The following EHD3 variants were observed in gnomAD, a reference collection of about 807,000 sequenced individuals.
EHD3 encodes EH domain containing 3, also known as EH domain-containing protein 3.
A neutral mutation model predicts 43.0 loss-of-function variants in EHD3; 17 were observed. The observed-to-expected ratio is 0.40, with a 90% confidence interval of 0.27 to 0.59. The LOEUF is 0.59. Among genes scored for constraint, EHD3 ranks in the 20% least tolerant of loss-of-function variants. The pLI, the probability that EHD3 is intolerant of heterozygous loss-of-function variation, is 0.49. For missense variants in EHD3, 594 were observed against 705.6 expected, an observed-to-expected ratio of 0.84 and a Z score of 1.79; for synonymous variants, 313 against 289.5, an observed-to-expected ratio of 1.08 and a Z score of -0.82.
At chr2:31,262,603 A>G (rs1371617850) in intron 5 of EHD3, among the ~76,000 whole-genome samples, 2 of 152,224 alleles carry the variant, frequency 1.3e-5, no homozygotes, top group Non-Finnish European at 2.9e-5. Flanking sequence ...CAATGTTTGC[A>G]ACTTCTTATG....
intron 2 of EHD3, among the ~76,000 whole-genome samples, chr2:31,248,052 A>G (rs375214009): frequency 5.3e-5 from 8 of 152,276 alleles, no homozygotes; most frequent in African/African-American, 1.9e-4. Flanking sequence ...ACAACAGGGA[A>G]TGATGTTGCA....
intron 3 of EHD3, among the ~76,000 whole-genome samples, chr2:31,256,868 C>A (rs1012786140): frequency 6.6e-6 from 1 of 152,224 alleles, no homozygotes; most frequent in African/African-American, 2.4e-5. Context: ...GCTCTGACCC[C>A]CAGCATTGCA....
rs577171234 is a variant in EHD3, at chr2:31,261,688, A to T, written c.1055A>T (p.Asp352Val). ...CGGGAGCACCAGATCTCACCTGGGGACTTCCCCAATCTGAAGAGGATGCAG... is the reference window on the plus strand; with the variant it reads ...CGGGAGCACCAGATCTCACCTGGGGTCTTCCCCAATCTGAAGAGGATGCAG... ...IEREHQISPGDFPNLKRMQDQ... is the reference protein window; with the variant it reads ...IEREHQISPGVFPNLKRMQDQ... Residue 352 changes from aspartate (D) to valine (V), a missense_variant, in exon 5 of 6, where the codon GAC becomes GTC. Around this residue, in one of 3 missense-constraint regions of EHD3, gnomAD observed 322 missense variants for 348.0 expected, o/e 0.93. Transcript: ENST00000322054. 3 of 1,614,158 alleles carry T rather than the reference A, an allele frequency of 1.9e-6. No homozygotes were observed. The highest frequency in any genetic ancestry group is 2.5e-6 in the Non-Finnish European group (3 of 1,180,004).
At chr2:31,265,350 G>T (rs377235632) in intron 5 of EHD3, among the ~76,000 whole-genome samples, 1 of 152,174 alleles carries the variant, frequency 6.6e-6, no homozygotes, top group Admixed American at 6.5e-5. Flanking sequence ...CAGTAGGTTT[G>T]TTTACACCAG....
At chr2:31,255,605 A>C (rs560193529) in intron 3 of EHD3, among the ~76,000 whole-genome samples, 1 of 152,266 alleles carries the variant, frequency 6.6e-6, no homozygotes, top group African/African-American at 2.4e-5. Flanking sequence ...TCTGCACCTA[A>C]GTCCAGGCCA....
At chr2:31,252,412 C>T (rs190602316) in intron 3 of EHD3, among the ~76,000 whole-genome samples, 60 of 152,310 alleles carry the variant, frequency 3.9e-4, no homozygotes, top group African/African-American at 1.3e-3. Flanking sequence ...GGACTCCTGC[C>T]TTCCTCAGTT....
At chr2:31,241,199 T>G (rs956248706) in intron 1 of EHD3, among the ~76,000 whole-genome samples, 1 of 152,200 alleles carries the variant, frequency 6.6e-6, no homozygotes, top group African/African-American at 2.4e-5. Context: ...CTCCAAGGCC[T>G]GGCCCTGCCT....
In EHD3 at chr2:31,266,202, G is replaced by C. The variant is rs1280194664; in HGVS notation, c.1106G>C (p.Ser369Thr). The stretch of plus-strand genomic sequence containing the variant: ...GACCAGCTGCAGGCCCAGGACTTTA[G>C]CAAGTTCCAGCCGCTGAAGAGCAAG... ...MQDQLQAQDF[S>T]KFQPLKSKLL... The change falls in exon 6 of 6, where the codon AGC (serine) becomes ACC (threonine). Residue 369 changes from serine (S) to threonine (T), a missense_variant. Physicochemically the swap from Ser to Thr is moderately conservative, Grantham distance 58. Around this residue, in one of 3 missense-constraint regions of EHD3, gnomAD observed 322 missense variants for 348.0 expected, o/e 0.93. Coordinates refer to ENST00000322054, the MANE Select transcript of EHD3 (RefSeq NM_014600.3). This position sits in a 1 kb window ranked among gnomAD's most constrained non-coding sequence, Gnocchi z 5.1. 1.2e-5 allele frequency: 20 copies of C among 1,612,286 alleles called. No individual in the cohort carries two copies. Among genetic ancestry groups the C allele is most frequent in the Middle Eastern group, 1.6e-4 (1 of 6,076 alleles).
At chr2:31,239,725 C>T (rs77722663) in intron 1 of EHD3, among the ~76,000 whole-genome samples, 9 of 152,320 alleles carry the variant, frequency 5.9e-5, no homozygotes, top group South Asian at 2.1e-4. Flanking sequence ...TAGTAATAAC[C>T]GCCTCACAGC....
intron 4 of EHD3, 111 bp from the exon 5 acceptor site, chr2:31,261,438 C>A: frequency 1.6e-6 from 2 of 1,265,822 alleles, no homozygotes; most frequent in Non-Finnish European, 2.2e-6. Context: ...AAAGTAGGAG[C>A]AGGAGGAGGC....
intron 1 of EHD3, 122 bp from the exon 2 acceptor site, chr2:31,244,152 G>A: frequency 1.2e-6 from 1 of 863,988 alleles, no homozygotes. Flanking sequence ...TCCCGGCCAT[G>A]AGATCTTGCT....
intron 5 of EHD3, among the ~76,000 whole-genome samples, chr2:31,263,540 G>A (rs1683892295): frequency 6.6e-6 from 1 of 152,162 alleles, no homozygotes; most frequent in Non-Finnish European, 1.5e-5. Context: ...CTAGATGTGA[G>A]CAGGCTGGGA....
At position 31,234,708 on chromosome 2, in the gene EHD3, C is replaced by G. The variant is rs759507833; in HGVS notation, c.87C>G (p.Tyr29Ter). The G allele has an allele frequency of 1.2e-6, 2 of 1,614,234 alleles. No individual in the cohort carries two copies. The highest frequency in any genetic ancestry group is 1.7e-6 in the Non-Finnish European group (2 of 1,180,034). ...QTVSEGLKKL[Y>*]KSKLLPLEEH... ...TGAGTGAGGGGCTCAAGAAACTCTA[C>G]AAGAGCAAGCTGCTGCCCTTGGAAG... The change falls in exon 1 of 6, where the codon TAC (tyrosine) becomes TAG (stop). Residue 29 changes from tyrosine (Y) to a stop codon, truncating the protein, a stop_gained. Coordinates refer to ENST00000322054, the MANE Select transcript of EHD3 (RefSeq NM_014600.3). LOFTEE classifies it high-confidence loss of function.
intron 2 of EHD3, among the ~76,000 whole-genome samples, chr2:31,244,670 C>A (rs998440650): frequency 2.0e-5 from 3 of 152,124 alleles, no homozygotes; most frequent in Admixed American, 6.5e-5. Flanking sequence ...TATCAGGGAG[C>A]AGGGAAGGAT....
intron 3 of EHD3, among the ~76,000 whole-genome samples, chr2:31,254,490 C>A (rs746032157): frequency 2.6e-5 from 4 of 152,260 alleles, no homozygotes; most frequent in Non-Finnish European, 5.9e-5. Flanking sequence ...CTGCTCGGGC[C>A]GCTCTTTGCC....
chr2:31,255,277 G>T (rs192024701), intron 3 of EHD3, among the ~76,000 whole-genome samples: 24 of 152,288 alleles, frequency 1.6e-4, no homozygotes, highest in Admixed American at 1.2e-3. Flanking sequence ...TTGGGCTGCC[G>T]CAGGTGCCCA....
At chr2:31,247,053 C>T (rs556361275) in intron 2 of EHD3, among the ~76,000 whole-genome samples, 2 of 152,242 alleles carry the variant, frequency 1.3e-5, no homozygotes, top group South Asian at 2.1e-4. Flanking sequence ...TGCGCCACCA[C>T]GCCTGGCTAA....
At chr2:31,240,906 C>A (rs762723781) in intron 1 of EHD3, among the ~76,000 whole-genome samples, 1 of 152,202 alleles carries the variant, frequency 6.6e-6, no homozygotes. Context: ...TAGGGCTTCT[C>A]ATCCACACAC....
intron 1 of EHD3, among the ~76,000 whole-genome samples, chr2:31,237,992 T>TG (rs1307755652): frequency 1.3e-5 from 2 of 152,040 alleles, no homozygotes; most frequent in Admixed American, 6.6e-5. Context: ...TGTGTGTGTG[T>TG]TTTTTTTGTT....
Sources: allele counts gnomAD v4.1 joint callset (sites outside exome capture counted in the v4.1 genomes callset), GRCh38; gene constraint gnomAD v4.1.1; regional missense constraint gnomAD v4.1.1; non-coding constraint Gnocchi (gnomAD v3.1); transcripts MANE v1.5; gene names NCBI Gene and HGNC (gene_info 2026-07-23, HGNC 2026-07-21).